Variants in CYFIP2 observed in about 807,000 individuals in gnomAD.
CYFIP2 encodes cytoplasmic FMR1 interacting protein 2.
Under a neutral mutation model 158.7 loss-of-function variants are expected in CYFIP2, and 29 were observed. The ratio of observed to expected loss-of-function variants is 0.18; its 90% confidence interval spans 0.14 to 0.25. The LOEUF (loss-of-function observed/expected upper bound fraction) is 0.25, where lower values mean the gene tolerates loss of function less well. Ranked by LOEUF, CYFIP2 falls within the 10% of genes least tolerant of loss-of-function variation. The pLI, the probability that CYFIP2 is intolerant of heterozygous loss-of-function variation, is 1.00. For synonymous variants in CYFIP2, 585 were observed against 617.6 expected (o/e 0.95, Z 0.78); for missense variants, 852 against 1,639.5 (o/e 0.52, Z 8.29).
chr5:157,311,849 G>C lies in CYFIP2; in HGVS notation c.1110+68G>C. On this transcript the variant is annotated intron_variant, in intron 11 of 30. Transcript: ENST00000620254. This position sits in a 1 kb window ranked among gnomAD's most constrained non-coding sequence, Gnocchi z 4.7. ...GCCAGAAGGGGTAAGGAGCAGCCAGGAAAGAACATGGACCCACGGAACACT... is the reference window on the plus strand; with the variant it reads ...GCCAGAAGGGGTAAGGAGCAGCCAGCAAAGAACATGGACCCACGGAACACT... 1.4e-6 allele frequency: 2 copies of C among 1,404,284 alleles called. No homozygotes were observed. The highest frequency in any genetic ancestry group is 2.0e-6 in the Non-Finnish European group (2 of 1,015,598). 87.0% of individuals were successfully genotyped at this position (1,404,284 alleles called of 1,614,324 possible). A position where few individuals can be genotyped will look rare whatever the true frequency, so the allele number is the denominator to read the frequency against.
At chr5:157,341,370 C>T (rs1762239721) in intron 23 of CYFIP2, among the ~76,000 whole-genome samples, 2 of 151,226 alleles carry the variant, frequency 1.3e-5, no homozygotes, top group African/African-American at 2.4e-5. Flanking sequence ...GACAACATAG[C>T]GAGACCCTGT....
At chr5:157,276,266 G>GT (rs1024095825) in intron 1 of CYFIP2, among the ~76,000 whole-genome samples, 19 of 152,210 alleles carry the variant, frequency 1.2e-4, no homozygotes, top group African/African-American at 4.3e-4. Flanking sequence ...TTAGCTAAGA[G>GT]TTTTTTGTGG....
Position 157,266,158 on chromosome 5 carries a change from AG to A in CYFIP2, c.-60del, listed in dbSNP as rs1249662428. The A allele has an allele frequency of 1.3e-5, 2 of 150,514 alleles. No individual in the cohort carries two copies. The highest frequency in any genetic ancestry group is 1.5e-5 in the Non-Finnish European group (1 of 67,482). 9.3% of individuals were successfully genotyped at this position (150,514 alleles called of 1,614,324 possible). ...GCGCCCCGGCGCGGGGCCCTGCGGT[AG>A]CCTCAGGCCCCTCCCCTGGACCCGC... is the stretch of plus-strand genomic sequence containing the variant. On this transcript the variant is annotated 5_prime_UTR_variant, in exon 1 of 31. Coordinates refer to ENST00000620254, the MANE Select transcript of CYFIP2 (RefSeq NM_001037333.3). The surrounding 1 kb of genome is among the most constrained non-coding windows in gnomAD (Gnocchi z 4.2).
intron 1 of CYFIP2, among the ~76,000 whole-genome samples, chr5:157,277,775 C>T (rs1756680096): frequency 6.6e-6 from 1 of 152,150 alleles, no homozygotes; most frequent in Non-Finnish European, 1.5e-5. Context: ...CAATGTCTGT[C>T]CTGGCATGGG....
chr5:157,371,136 G>A (rs1463317717), intron 26 of CYFIP2, among the ~76,000 whole-genome samples: 3 of 152,194 alleles, frequency 2.0e-5, no homozygotes, highest in South Asian at 2.1e-4. Context: ...GTGCAAGTGG[G>A]AAGCCTAATT....
At chr5:157,292,206 C>A (rs556207765) in intron 3 of CYFIP2, among the ~76,000 whole-genome samples, 21 of 147,046 alleles carry the variant, frequency 1.4e-4, no homozygotes, top group African/African-American at 4.6e-4. Context: ...TTTCTTTTTT[C>A]TTTTTTTATT....
intron 23 of CYFIP2, among the ~76,000 whole-genome samples, chr5:157,345,078 G>C (rs1221047088): frequency 6.6e-6 from 1 of 152,236 alleles, no homozygotes; most frequent in Non-Finnish European, 1.5e-5. Flanking sequence ...GACCCTTCCA[G>C]GGAAGGTCAT....
intron 26 of CYFIP2, among the ~76,000 whole-genome samples, chr5:157,374,661 A>G (rs1282827168): frequency 6.6e-6 from 1 of 152,180 alleles, no homozygotes; most frequent in Non-Finnish European, 1.5e-5. Flanking sequence ...GGTCAGATGC[A>G]CAGTCCTGTA....
chr5:157,330,240 A>AT (rs957619737), intron 19 of CYFIP2, among the ~76,000 whole-genome samples: 1 of 144,324 alleles, frequency 6.9e-6, no homozygotes, highest in Non-Finnish European at 1.5e-5. Context: ...GAGATTTAAA[A>AT]TGTGTGTGTG....
At chr5:157,302,159 G>A (rs1021004687) in intron 6 of CYFIP2, among the ~76,000 whole-genome samples, 2 of 152,152 alleles carry the variant, frequency 1.3e-5, no homozygotes, top group Non-Finnish European at 2.9e-5. Flanking sequence ...TGAGCAAGGT[G>A]GGGTGTCTTG....
intron 15 of CYFIP2, chr5:157,322,829 A>T (rs1175196711): frequency 7.0e-6 from 8 of 1,150,020 alleles, no homozygotes; most frequent in Non-Finnish European, 9.9e-6. Flanking sequence ...CGGCTTTCCC[A>T]CCGTATACAA....
intron 26 of CYFIP2, chr5:157,376,673 T>C (rs1765509259): frequency 5.1e-6 from 1 of 195,620 alleles, no homozygotes; most frequent in South Asian, 7.3e-5. Context: ...TTGTGCTGTT[T>C]TTCTCTTGGG....
At chr5:157,326,984 A>G (rs1761074879) in intron 18 of CYFIP2, among the ~76,000 whole-genome samples, 1 of 152,212 alleles carries the variant, frequency 6.6e-6, no homozygotes, top group South Asian at 2.1e-4. Flanking sequence ...ATAAATATTA[A>G]ACATGAAAGA....
At chr5:157,346,363 T>A (rs112824006) in intron 23 of CYFIP2, among the ~76,000 whole-genome samples, 198 of 152,302 alleles carry the variant, frequency 1.3e-3, no homozygotes, top group African/African-American at 4.5e-3. Flanking sequence ...AATAGAGCCT[T>A]CGTAGATATA....
intron 23 of CYFIP2, among the ~76,000 whole-genome samples, chr5:157,356,609 C>T (rs748382808): frequency 4.6e-5 from 7 of 152,146 alleles, no homozygotes; most frequent in Non-Finnish European, 1.0e-4. Flanking sequence ...CTCCTCCCAC[C>T]AGAGGTAAGC....
intron 3 of CYFIP2, among the ~76,000 whole-genome samples, chr5:157,290,515 G>T (rs1447878446): frequency 6.6e-6 from 1 of 151,856 alleles, no homozygotes; most frequent in Non-Finnish European, 1.5e-5. Context: ...ACCACCACCC[G>T]CCTACCCCCA....
At chr5:157,380,198 T>C (rs1362502981) in intron 26 of CYFIP2, 1 of 152,194 alleles carries the variant, frequency 6.6e-6, no homozygotes, top group East Asian at 1.9e-4. Context: ...AATGATGTTA[T>C]CACCAGGGGC....
At chr5:157,332,972 T>G (rs1201873828) in intron 20 of CYFIP2, among the ~76,000 whole-genome samples, 3 of 152,130 alleles carry the variant, frequency 2.0e-5, no homozygotes, top group African/African-American at 7.2e-5. Context: ...GCTTGCAGAC[T>G]GTTTAAAGGG....
intron 28 of CYFIP2, chr5:157,384,939 C>CAAAAAAAAAAAAAAAAA (rs34749971): frequency 3.1e-5 from 2 of 63,866 alleles, no homozygotes; most frequent in African/African-American, 6.5e-5. Context: ...GACTCCATCT[C>CAAAAAAAAAAAAAAAAA]AAAAAAAAAA....
Sources: gnomAD v4.1 joint callset for allele counts (sites outside exome capture counted in the v4.1 genomes callset) on GRCh38, gnomAD v4.1.1 for gene constraint, Gnocchi (gnomAD v3.1) non-coding constraint, MANE v1.5 for transcripts, NCBI Gene and HGNC (gene_info 2026-07-23, HGNC 2026-07-21) for gene names.